Variants in XKR4 observed in about 807,000 individuals in gnomAD.
XKR4 encodes XK-related protein 4.
Under a neutral mutation model 53.9 loss-of-function variants are expected in XKR4, and 12 were observed. That is an observed-to-expected ratio of 0.22 (90% confidence interval 0.14 to 0.36). The LOEUF (loss-of-function observed/expected upper bound fraction) is 0.36. Ranked by LOEUF, XKR4 falls within the 10% of genes least tolerant of loss-of-function variation. The pLI, the probability that XKR4 is intolerant of heterozygous loss-of-function variation, is 1.00. For synonymous variants in XKR4, 354 were observed against 362.4 expected, an observed-to-expected ratio of 0.98 and a Z score of 0.26; for missense variants, 799 against 859.5, an observed-to-expected ratio of 0.93 and a Z score of 0.88.
At chr8:55,460,120 A>T (rs1161042894) in intron 2 of XKR4, among the ~76,000 whole-genome samples, 1 of 152,214 alleles carries the variant, frequency 6.6e-6, no homozygotes, top group East Asian at 1.9e-4. Flanking sequence ...CAACTGATAG[A>T]TACAACAATA....
intron 2 of XKR4, among the ~76,000 whole-genome samples, chr8:55,365,655 C>T (rs1168821445): frequency 7.2e-6 from 1 of 138,950 alleles, no homozygotes; most frequent in South Asian, 2.3e-4. Flanking sequence ...TGCGGTGGGC[C>T]GAGATCACAC....
chr8:55,320,135 G>C (rs560968749), intron 1 of XKR4, among the ~76,000 whole-genome samples: 1 of 152,192 alleles, frequency 6.6e-6, no homozygotes, highest in African/African-American at 2.4e-5. Flanking sequence ...ACGTTAGGCA[G>C]GCTAGAAAGC....
chr8:55,429,298 T>C (rs1246778029), intron 2 of XKR4, among the ~76,000 whole-genome samples: 1 of 152,168 alleles, frequency 6.6e-6, no homozygotes, highest in Non-Finnish European at 1.5e-5. Context: ...CAGACTTCAG[T>C]GTACAACATA....
At chr8:55,179,277 A>G (rs1267452409) in intron 1 of XKR4, among the ~76,000 whole-genome samples, 2 of 148,256 alleles carry the variant, frequency 1.3e-5, no homozygotes, top group Non-Finnish European at 2.9e-5. Context: ...CAATGACAGG[A>G]GCATGACAAC....
intron 1 of XKR4, among the ~76,000 whole-genome samples, chr8:55,256,077 T>G (rs868610715): frequency 3.3e-5 from 5 of 151,652 alleles, no homozygotes; most frequent in Non-Finnish European, 7.4e-5. Flanking sequence ...AAAGGATTAA[T>G]AGCTCAGGGG....
intron 1 of XKR4, among the ~76,000 whole-genome samples, chr8:55,331,046 G>T (rs989587891): frequency 1.3e-5 from 2 of 151,944 alleles, no homozygotes; most frequent in Non-Finnish European, 2.9e-5. Context: ...ACACTATTGT[G>T]CAAATATCAC....
intron 1 of XKR4, among the ~76,000 whole-genome samples, chr8:55,234,227 C>A (rs192366642): frequency 6.6e-6 from 1 of 152,272 alleles, no homozygotes; most frequent in East Asian, 1.9e-4. Context: ...CTTATACCCA[C>A]CCTATAGATT....
chr8:55,465,331 G>T (rs148891973), intron 2 of XKR4, among the ~76,000 whole-genome samples: 1 of 151,920 alleles, frequency 6.6e-6, no homozygotes, highest in Non-Finnish European at 1.5e-5. Context: ...AAATAATGCC[G>T]CATATCTACA....
At chr8:55,439,448 C>T (rs186337950) in intron 2 of XKR4, among the ~76,000 whole-genome samples, 2 of 152,196 alleles carry the variant, frequency 1.3e-5, no homozygotes, top group Admixed American at 1.3e-4. Context: ...TCAGCAGATA[C>T]TGGATCTATT....
intron 2 of XKR4, among the ~76,000 whole-genome samples, chr8:55,373,155 G>T (rs1401003451): frequency 6.6e-6 from 1 of 152,102 alleles, no homozygotes; most frequent in Non-Finnish European, 1.5e-5. Flanking sequence ...AACAAGACTC[G>T]AAAACTACAA....
chr8:55,521,017 C>G (rs1806788594), intron 2 of XKR4: 4 of 152,296 alleles, frequency 2.6e-5, no homozygotes, highest in Admixed American at 2.6e-4. Flanking sequence ...ACCCCGTTAA[C>G]AACCCCGCTT....
chr8:55,371,149 G>A (rs1016541356), intron 2 of XKR4, among the ~76,000 whole-genome samples: 1 of 151,272 alleles, frequency 6.6e-6, no homozygotes, highest in African/African-American at 2.4e-5. Context: ...ACATCAGGGA[G>A]TGTAGAATCA....
intron 1 of XKR4, among the ~76,000 whole-genome samples, chr8:55,159,299 C>T (rs1351734921): frequency 6.6e-6 from 1 of 151,704 alleles, no homozygotes; most frequent in African/African-American, 2.4e-5. Context: ...CTATGCCATA[C>T]ATTTCAAAGC....
chr8:55,301,932 C>A (rs1445047840), intron 1 of XKR4, among the ~76,000 whole-genome samples: 3 of 152,080 alleles, frequency 2.0e-5, no homozygotes, highest in Non-Finnish European at 4.4e-5. Flanking sequence ...AAATTTTCTC[C>A]CATTTTGTAG....
At chr8:55,107,985 C>G (rs1816173323) in intron 1 of XKR4, among the ~76,000 whole-genome samples, 1 of 152,150 alleles carries the variant, frequency 6.6e-6, no homozygotes, top group Non-Finnish European at 1.5e-5. Flanking sequence ...GGAATCTACT[C>G]TCTAATAGGG....
At chr8:55,522,912 G>A (rs977944909) in intron 2 of XKR4, among the ~76,000 whole-genome samples, 5 of 152,058 alleles carry the variant, frequency 3.3e-5, no homozygotes, top group South Asian at 2.1e-4. Flanking sequence ...AGACAGATAC[G>A]AGGATCCCCA....
chr8:55,313,748 G>T (rs1375661796), intron 1 of XKR4, among the ~76,000 whole-genome samples: 1 of 152,176 alleles, frequency 6.6e-6, no homozygotes, highest in Non-Finnish European at 1.5e-5. Context: ...CAGTGATTTG[G>T]CCTGGGAGGA....
chr8:55,513,257 C>T (rs2658932), intron 2 of XKR4, among the ~76,000 whole-genome samples: 82,145 of 152,062 alleles, frequency 0.54, 24,596 homozygotes, highest in South Asian at 0.69. Context: ...TTACACATTC[C>T]CCTAAATAGG....
intron 2 of XKR4, among the ~76,000 whole-genome samples, chr8:55,497,818 G>T (rs1310203586): frequency 6.6e-6 from 1 of 152,154 alleles, no homozygotes; most frequent in Non-Finnish European, 1.5e-5. Flanking sequence ...ATCCAAGCCG[G>T]ATCCTGTCAC....
Sources: allele counts gnomAD v4.1 joint callset (sites outside exome capture counted in the v4.1 genomes callset), GRCh38; gene constraint gnomAD v4.1.1; transcripts MANE v1.5; gene names NCBI Gene and HGNC (gene_info 2026-07-23, HGNC 2026-07-21).